ZC3H14: variants seen among roughly 807,000 people sequenced by gnomAD.
The protein encoded by ZC3H14 is zinc finger CCCH-type containing 14, also known as zinc finger CCCH domain-containing protein 14.
A neutral mutation model predicts 92.4 loss-of-function variants in ZC3H14; 31 were observed. The observed-to-expected ratio is 0.34, with a 90% CI of 0.25 to 0.45. ZC3H14 has a LOEUF of 0.45. Among genes scored for constraint, ZC3H14 ranks in the 20% least tolerant of loss-of-function variants. The probability of loss-of-function intolerance (pLI) is 1.00; values close to 1 mark genes in which losing one functional copy is unlikely to be tolerated. For synonymous variants in ZC3H14, 321 were observed against 300.9 expected, an observed-to-expected ratio of 1.07 and a Z score of -0.69; for missense variants, 781 against 897.3, an observed-to-expected ratio of 0.87 and a Z score of 1.66.
At chr14:88,578,943 T>TTA (rs1273423457) in intron 9 of ZC3H14, among the ~76,000 whole-genome samples, 1 of 152,032 alleles carries the variant, frequency 6.6e-6, no homozygotes, top group Non-Finnish European at 1.5e-5. Flanking sequence ...TAGTTTGGAC[T>TTA]TTTGGTGTCT....
chr14:88,592,368 T>A (rs1217185395), intron 9 of ZC3H14: 1 of 152,218 alleles, frequency 6.6e-6, no homozygotes, highest in Non-Finnish European at 1.5e-5. Flanking sequence ...AAGAACTGAT[T>A]CATAAAGTGG....
chr14:88,602,204 C>G (rs2084745217), intron 11 of ZC3H14, 121 bp downstream of exon 11: 3 of 1,334,070 alleles, frequency 2.2e-6, no homozygotes, highest in African/African-American at 1.5e-5. Flanking sequence ...TTCATTGATT[C>G]AGTAGCTAGC....
intron 2 of ZC3H14, chr14:88,567,801 T>C (rs1305742504): frequency 3.7e-6 from 2 of 547,750 alleles, no homozygotes; most frequent in Non-Finnish European, 6.8e-6. Context: ...TTTGACCCTA[T>C]AATTCAGAAT....
At position 88,622,763 on chromosome 14, in the gene ZC3H14, T is replaced by C. The variant is rs112945623; in HGVS notation, c.*11012T>C. 6.7e-6 allele frequency: 9 copies of C among 1,348,612 alleles called. No individual in the cohort carries two copies. The highest frequency in any genetic ancestry group is 2.4e-5 in the Admixed American group (1 of 41,156). 83.5% of individuals were successfully genotyped at this position (1,348,612 alleles called of 1,614,324 possible). On this transcript the variant is annotated 3_prime_UTR_variant, in exon 17 of 17. Transcript: ENST00000251038. ...AGAGTAAGTGTTCATTATTGGCTAC[T>C]ATAATTTTTATTATAAACAAATACC... is the stretch of plus-strand genomic sequence containing the variant.
intron 16 of ZC3H14, among the ~76,000 whole-genome samples, chr14:88,611,238 A>ATCTCAG (rs201312483): frequency 4.9e-5 from 4 of 81,314 alleles, no homozygotes; most frequent in Non-Finnish European, 1.0e-4. Flanking sequence ...CCATCCTCCC[A>ATCTCAG]CCTGTAGCTG....
Position 88,627,027 on chromosome 14 carries a change from T to C in ZC3H14, c.*15276T>C. The C allele has an allele frequency of 1.2e-6, 2 of 1,613,812 alleles. No individual in the cohort carries two copies. Among genetic ancestry groups the C allele is most frequent in the Non-Finnish European group, 1.7e-6 (2 of 1,179,834 alleles). ...CAAAAATACGTTGATTGTGACCAGC[T>C]CTGCTGGCAATTTTGGCACCTGACA... On this transcript the variant is annotated 3_prime_UTR_variant, in exon 17 of 17. Transcript: ENST00000251038.
At chr14:88,603,171 AGTAATG>A (rs1215486993) in intron 12 of ZC3H14, 111 bp downstream of exon 12, 6 of 1,038,838 alleles carry the variant, frequency 5.8e-6, no homozygotes, top group Admixed American at 4.0e-5. Context: ...ATTTATATTC[AGTAATG>A]GCCTTTTTTC....
At position 88,622,502 on chromosome 14, in the gene ZC3H14, CATT is replaced by C; in HGVS notation, c.*10756_*10758del. The C allele has an allele frequency of 7.9e-6, 7 of 882,238 alleles. No homozygotes were observed. The highest frequency in any genetic ancestry group is 6.2e-5 in the South Asian group (2 of 32,156). 54.7% of individuals were successfully genotyped at this position (882,238 alleles called of 1,614,324 possible). ...GTTGGCAAGCAAATCCATCGTTATG[CATT>C]ATTAAGTATTGTTCATTAGGCTGCA... On this transcript the variant is annotated 3_prime_UTR_variant, in exon 17 of 17. Transcript: ENST00000251038.
At chr14:88,596,881 A>G (rs2083906616) in intron 10 of ZC3H14, 73 bp downstream of exon 10, 1 of 1,261,102 alleles carries the variant, frequency 7.9e-7, no homozygotes, top group East Asian at 2.3e-5. Flanking sequence ...ACCCCATTTA[A>G]CGTATCTCGG....
In ZC3H14 at chr14:88,622,728, T is replaced by C. The variant is rs775025417; in HGVS notation, c.*10977T>C. 6.3e-7 allele frequency: 1 copy of C among 1,581,310 alleles called. No homozygotes were observed. Among genetic ancestry groups the C allele is most frequent in the South Asian group, 1.2e-5 (1 of 84,858 alleles). On this transcript the variant is annotated 3_prime_UTR_variant, in exon 17 of 17. Coordinates refer to ENST00000251038, the MANE Select transcript of ZC3H14 (RefSeq NM_024824.5). ...TCCTCCTTCTTTTGACCTAAGTAAA[T>C]AACCAAGCCAGAGTAAGTGTTCATT...
In ZC3H14 at chr14:88,618,236, T is replaced by A; in HGVS notation, c.*6485T>A. 1 of 1,613,672 alleles carries A rather than the reference T, an allele frequency of 6.2e-7. No homozygotes were observed. Among genetic ancestry groups the A allele is most frequent in the South Asian group, 1.1e-5 (1 of 91,072 alleles). ...AATATATAAGTATTTACCTAGTCCA[T>A]GTAGCCCAAGTAATTCTGTCAATAG... On this transcript the variant is annotated 3_prime_UTR_variant, in exon 17 of 17. Transcript: ENST00000251038.
At chr14:88,573,716 A>G (rs1192668015) in intron 6 of ZC3H14, 2 of 152,174 alleles carry the variant, frequency 1.3e-5, no homozygotes, top group Admixed American at 6.5e-5. Context: ...CCCAGGTTCA[A>G]GTGATTCTTC....
At chr14:88,593,067 A>G (rs1327281297) in intron 9 of ZC3H14, among the ~76,000 whole-genome samples, 1 of 150,500 alleles carries the variant, frequency 6.6e-6, no homozygotes. Flanking sequence ...TCCCGGGTTC[A>G]AGCGATTCTC....
At chr14:88,581,577 A>G (rs2081915564) in intron 9 of ZC3H14, among the ~76,000 whole-genome samples, 1 of 152,096 alleles carries the variant, frequency 6.6e-6, no homozygotes, top group African/African-American at 2.4e-5. Context: ...AAATAAAAAT[A>G]AAAAAACAAA....
chr14:88,608,515 A>C (rs1452726323), intron 13 of ZC3H14: 11 of 257,796 alleles, frequency 4.3e-5, no homozygotes, highest in Non-Finnish European at 7.6e-5. Context: ...TTTCTTGTTC[A>C]TGTATGTTTG....
intron 2 of ZC3H14, among the ~76,000 whole-genome samples, chr14:88,564,083 A>G (rs1713048371): frequency 6.6e-6 from 1 of 151,996 alleles, no homozygotes; most frequent in African/African-American, 2.4e-5. Context: ...GAGTGCGGGG[A>G]TTACTGGTGT....
Position 88,573,003 on chromosome 14 carries a change from T to C in ZC3H14, c.857T>C (p.Met286Thr). 6.2e-7 allele frequency: 1 copy of C among 1,613,894 alleles called. No individual in the cohort carries two copies. Among genetic ancestry groups the C allele is most frequent in the South Asian group, 1.1e-5 (1 of 91,056 alleles). The change falls in exon 6 of 17, where the codon ATG (methionine) becomes ACG (threonine). Residue 286 changes from methionine (M) to threonine (T), a missense_variant. Transcript: ENST00000251038. ...FFRNNSEKMS[M>T]EDENFRKRKL... Reference sequence around the variant, plus strand: ...AGAAACAACTCGGAGAAAATGAGTATGGAGGTTTGTATGTACTTTTAAATT... The same window carrying C: ...AGAAACAACTCGGAGAAAATGAGTACGGAGGTTTGTATGTACTTTTAAATT...
chr14:88,574,105 C>T (rs532697699), intron 6 of ZC3H14, among the ~76,000 whole-genome samples: 116 of 152,200 alleles, frequency 7.6e-4, no homozygotes, highest in South Asian at 3.5e-3. Context: ...ATGGTAATTG[C>T]TAGTGAGCAA....
chr14:88,604,276 T>C (rs1478330609), intron 12 of ZC3H14, among the ~76,000 whole-genome samples: 3 of 152,202 alleles, frequency 2.0e-5, no homozygotes, highest in South Asian at 4.1e-4. Context: ...GCTGTGGCCA[T>C]TGTGCTGACA....
Sources: allele counts gnomAD v4.1 joint callset (sites outside exome capture counted in the v4.1 genomes callset), GRCh38; gene constraint gnomAD v4.1.1; transcripts MANE v1.5; gene names NCBI Gene and HGNC (gene_info 2026-07-23, HGNC 2026-07-21).